The following NOS1AP variants were observed in gnomAD, a reference collection of about 807,000 sequenced individuals.
NOS1AP encodes the protein carboxyl-terminal PDZ ligand of neuronal nitric oxide synthase protein.
In NOS1AP, 21 loss-of-function variants were observed where a neutral mutation model predicts 56.2. The ratio of observed to expected loss-of-function variants is 0.37; its 90% CI spans 0.26 to 0.54. The LOEUF (loss-of-function observed/expected upper bound fraction) is 0.54, where lower values mean the gene tolerates loss of function less well. NOS1AP is among the 20% of genes least tolerant of loss of function. NOS1AP has a pLI of 0.84. For synonymous variants in NOS1AP, 270 were observed against 274.6 expected, an observed-to-expected ratio of 0.98 and a Z score of 0.17; for missense variants, 522 against 657.8, an observed-to-expected ratio of 0.79 and a Z score of 2.26.
At chr1:162,334,117 G>C (rs347311) in intron 5 of NOS1AP, among the ~76,000 whole-genome samples, 30,673 of 152,160 alleles carry the variant, frequency 0.2, 3,853 homozygotes, top group Non-Finnish European at 0.29. Context: ...CAAGTACCTT[G>C]TCAATAACAC....
chr1:162,113,950 A>T (rs1647815995), intron 1 of NOS1AP, among the ~76,000 whole-genome samples: 1 of 152,166 alleles, frequency 6.6e-6, no homozygotes, highest in South Asian at 2.1e-4. Flanking sequence ...TTCTAAAGGC[A>T]GTGTTATTAC....
At chr1:162,231,766 C>T (rs1018280066) in intron 2 of NOS1AP, among the ~76,000 whole-genome samples, 12 of 152,034 alleles carry the variant, frequency 7.9e-5, no homozygotes, top group African/African-American at 2.9e-4. Context: ...TGATAACTGG[C>T]ACAGGATTAT....
intron 2 of NOS1AP, among the ~76,000 whole-genome samples, chr1:162,161,531 T>A (rs1478696769): frequency 6.6e-6 from 1 of 152,248 alleles, no homozygotes; most frequent in East Asian, 1.9e-4. Flanking sequence ...CATGAATGCA[T>A]GCAGCATACT....
intron 2 of NOS1AP, among the ~76,000 whole-genome samples, chr1:162,281,098 G>A (rs930512132): frequency 1.3e-5 from 2 of 152,168 alleles, no homozygotes; most frequent in Non-Finnish European, 2.9e-5. Context: ...AAATGATTAC[G>A]AGTGGCTTTG....
intron 1 of NOS1AP, among the ~76,000 whole-genome samples, chr1:162,094,481 C>T (rs1288917564): frequency 6.6e-6 from 1 of 152,110 alleles, no homozygotes; most frequent in African/African-American, 2.4e-5. Context: ...ATTAGAGAAC[C>T]AGCCCCTAAT....
At chr1:162,148,022 C>T (rs551650132) in intron 1 of NOS1AP, among the ~76,000 whole-genome samples, 6 of 152,246 alleles carry the variant, frequency 3.9e-5, no homozygotes, top group Admixed American at 2.0e-4. Context: ...CCACCCCTCT[C>T]GGTAAACCAG....
chr1:162,173,138 T>G (rs1571096730), intron 2 of NOS1AP, among the ~76,000 whole-genome samples: 1 of 152,184 alleles, frequency 6.6e-6, no homozygotes, highest in East Asian at 1.9e-4. Context: ...GTTTTTGCCT[T>G]TGAAAATAAT....
At chr1:162,342,536 A>G (rs1461048854) in intron 5 of NOS1AP, 1 of 480,734 alleles carries the variant, frequency 2.1e-6, no homozygotes. Flanking sequence ...GGTCCCTAGG[A>G]GTTCACAAAG....
chr1:162,282,307 G>A (rs12059953), intron 2 of NOS1AP, among the ~76,000 whole-genome samples: 44,155 of 151,962 alleles, frequency 0.29, 8,007 homozygotes, highest in East Asian at 0.54. Context: ...ACAACCCTAG[G>A]GACTTCATAT....
intron 1 of NOS1AP, among the ~76,000 whole-genome samples, chr1:162,150,317 A>G (rs1571066378): frequency 6.6e-6 from 1 of 152,142 alleles, no homozygotes; most frequent in Non-Finnish European, 1.5e-5. Flanking sequence ...ATTCTTTTTC[A>G]TGGCTGAATA....
chr1:162,306,766 A>G (rs1655844011), intron 4 of NOS1AP, among the ~76,000 whole-genome samples: 1 of 152,128 alleles, frequency 6.6e-6, no homozygotes, highest in African/African-American at 2.4e-5. Context: ...GTGAAACTCC[A>G]TCTCTACTAA....
chr1:162,181,800 A>G (rs1651273516), intron 2 of NOS1AP, among the ~76,000 whole-genome samples: 1 of 152,210 alleles, frequency 6.6e-6, no homozygotes, highest in Non-Finnish European at 1.5e-5. Context: ...TCAGATGCTC[A>G]AAGATTTTTG....
chr1:162,124,801 G>T (rs1439316815), intron 1 of NOS1AP, among the ~76,000 whole-genome samples: 5 of 152,100 alleles, frequency 3.3e-5, no homozygotes, highest in Admixed American at 3.3e-4. Context: ...GGGATTACAG[G>T]CATGAGCCAC....
rs1479956647 is a variant in NOS1AP, at chr1:162,362,943, C to A, written c.940-2461C>A. On this transcript the variant is annotated intron_variant, in intron 8 of 9. Transcript: ENST00000361897. ...CCTGTTGAGTGGATATAGGAAGAAA[C>A]AAACTCAGTTTCTTCCTGCTATACT... 3 of 973,748 alleles carry A rather than the reference C, an allele frequency of 3.1e-6. No homozygotes were observed. The East Asian group carries it at 3.4e-4, about 111-fold the overall frequency. 60.3% of individuals were successfully genotyped at this position (973,748 alleles called of 1,614,324 possible).
intron 1 of NOS1AP, among the ~76,000 whole-genome samples, chr1:162,072,514 T>G (rs1338559708): frequency 1.3e-5 from 2 of 152,188 alleles, no homozygotes. Context: ...TGGTTCAAGC[T>G]GTTTTCCCAA....
At chr1:162,359,366 C>T (rs1657809356) in intron 8 of NOS1AP, among the ~76,000 whole-genome samples, 1 of 152,190 alleles carries the variant, frequency 6.6e-6, no homozygotes, top group Non-Finnish European at 1.5e-5. Flanking sequence ...CTTGAACATA[C>T]TCCTGTACCT....
chr1:162,090,949 T>C (rs1005013314), intron 1 of NOS1AP, among the ~76,000 whole-genome samples: 2 of 152,224 alleles, frequency 1.3e-5, no homozygotes, highest in Non-Finnish European at 2.9e-5. Context: ...GATTTGACCT[T>C]GTTACTTTTC....
intron 5 of NOS1AP, among the ~76,000 whole-genome samples, chr1:162,342,910 A>C (rs1272572482): frequency 6.6e-6 from 1 of 152,204 alleles, no homozygotes; most frequent in African/African-American, 2.4e-5. Flanking sequence ...CTTGAGGCCC[A>C]CTGAGGTAAG....
At chr1:162,342,696 T>C (rs1357624660) in intron 5 of NOS1AP, 6 of 398,406 alleles carry the variant, frequency 1.5e-5, no homozygotes, top group Non-Finnish European at 3.1e-5. Flanking sequence ...TAATACCAGC[T>C]ACCTCATGCT....
Sources: allele counts gnomAD v4.1 joint callset (sites outside exome capture counted in the v4.1 genomes callset), GRCh38; gene constraint gnomAD v4.1.1; transcripts MANE v1.5; gene names NCBI Gene and HGNC (gene_info 2026-07-23, HGNC 2026-07-21).